Variants in OXSR1 observed in about 807,000 individuals in gnomAD.
The protein encoded by OXSR1 is serine/threonine-protein kinase OSR1.
OXSR1 carries 24 observed loss-of-function variants against 79.8 expected under a neutral mutation model. The ratio of observed to expected loss-of-function variants is 0.30; its 90% confidence interval spans 0.22 to 0.42. OXSR1 has a LOEUF of 0.42. OXSR1 is among the 10% of genes least tolerant of loss of function. The probability of loss-of-function intolerance (pLI) is 1.00; values close to 1 mark genes in which losing one functional copy is unlikely to be tolerated. For missense variants in OXSR1, 430 were observed against 618.4 expected (o/e 0.70, Z 3.23); for synonymous variants, 226 against 209.2 (o/e 1.08, Z -0.69).
chr3:38,178,148 G>T (rs1479542615), intron 1 of OXSR1, among the ~76,000 whole-genome samples: 1 of 151,972 alleles, frequency 6.6e-6, no homozygotes, highest in African/African-American at 2.4e-5. Flanking sequence ...ACAGGGATTC[G>T]CCATGTTGGC....
rs144062166 is a variant in OXSR1, at chr3:38,201,641, C to T, written c.434+2778C>T. ...AGGAGAATGGTGTGAACCTGGGAGA[C>T]GGAGCTTGTGGTGAGCCGAGATTGC... On this transcript the variant is annotated intron_variant, in intron 4 of 17. Transcript: ENST00000311806. Among the ~76,000 whole-genome samples, 66 of 151,766 alleles carry T rather than the reference C, an allele frequency of 4.3e-4. No individual in the cohort carries two copies. The East Asian group carries it at 9.5e-3, about 22-fold the overall frequency.
chr3:38,197,141 C>G (rs552516789), intron 3 of OXSR1, among the ~76,000 whole-genome samples: 4 of 152,236 alleles, frequency 2.6e-5, no homozygotes, highest in Non-Finnish European at 4.4e-5. Flanking sequence ...CCTTAGGTCT[C>G]TCCCCTTCTG....
chr3:38,190,559 T>A (rs1701964325), intron 2 of OXSR1, among the ~76,000 whole-genome samples, 172 bp from the exon 3 acceptor site: 1 of 152,144 alleles, frequency 6.6e-6, no homozygotes, highest in African/African-American at 2.4e-5. Flanking sequence ...CAGAATGGAC[T>A]GAGGGAGACA....
intron 14 of OXSR1, 50 bp downstream of exon 14, chr3:38,247,782 C>T: frequency 8.3e-7 from 1 of 1,200,962 alleles, no homozygotes; most frequent in Non-Finnish European, 1.2e-6. Context: ...GAATATTCTG[C>T]ATGTGCTGTA....
At chr3:38,188,884 T>C (rs1701933670) in intron 2 of OXSR1, among the ~76,000 whole-genome samples, 1 of 152,206 alleles carries the variant, frequency 6.6e-6, no homozygotes, top group Non-Finnish European at 1.5e-5. Context: ...TATTCTGTAT[T>C]GTAAAGTAGT....
intron 4 of OXSR1, among the ~76,000 whole-genome samples, chr3:38,210,330 G>C (rs762842460): frequency 6.6e-6 from 1 of 152,100 alleles, no homozygotes; most frequent in Non-Finnish European, 1.5e-5. Flanking sequence ...TTCCCTTCCC[G>C]TAGATGGGTT....
At chr3:38,191,000 T>C (rs925490576) in intron 3 of OXSR1, among the ~76,000 whole-genome samples, 161 bp downstream of exon 3, 5 of 152,186 alleles carry the variant, frequency 3.3e-5, no homozygotes, top group Admixed American at 1.3e-4. Context: ...GCCAAGACAG[T>C]TTTCACACAT....
chr3:38,210,301 T>G (rs539420366), intron 4 of OXSR1, among the ~76,000 whole-genome samples: 4 of 152,176 alleles, frequency 2.6e-5, no homozygotes, highest in Non-Finnish European at 4.4e-5. Context: ...GAAGGCTTGA[T>G]GGGACTGAGA....
intron 10 of OXSR1, among the ~76,000 whole-genome samples, chr3:38,233,632 G>GC (rs1702856564): frequency 6.6e-6 from 1 of 152,160 alleles, no homozygotes; most frequent in African/African-American, 2.4e-5. Context: ...GTTTATATTT[G>GC]CCAGGAGTGG....
At chr3:38,167,498 G>C (rs193135218) in intron 1 of OXSR1, among the ~76,000 whole-genome samples, 25 of 152,368 alleles carry the variant, frequency 1.6e-4, no homozygotes, top group African/African-American at 6.0e-4. Flanking sequence ...AGACTTCCTA[G>C]CTGCCTTGGG....
At chr3:38,232,685 G>C (rs1399071911) in intron 10 of OXSR1, among the ~76,000 whole-genome samples, 3 of 152,102 alleles carry the variant, frequency 2.0e-5, no homozygotes, top group Admixed American at 2.0e-4. Context: ...GTTTGAGCCT[G>C]CAGGGCAGAG....
At chr3:38,208,220 G>A (rs553781016) in intron 4 of OXSR1, among the ~76,000 whole-genome samples, 15 of 151,820 alleles carry the variant, frequency 9.9e-5, no homozygotes, top group Non-Finnish European at 1.8e-4. Context: ...CATTTTTAGC[G>A]ATTTGTTAAC....
chr3:38,233,389 T>C (rs1304477846), intron 10 of OXSR1, among the ~76,000 whole-genome samples: 1 of 152,148 alleles, frequency 6.6e-6, no homozygotes, highest in Non-Finnish European at 1.5e-5. Flanking sequence ...CTCACCCACA[T>C]CACTCTGCAG....
At chr3:38,207,372 T>G (rs757455001) in intron 4 of OXSR1, among the ~76,000 whole-genome samples, 12 of 152,230 alleles carry the variant, frequency 7.9e-5, no homozygotes, top group Admixed American at 4.6e-4. Flanking sequence ...AGGCTCTGAT[T>G]TTATTGCTGT....
intron 4 of OXSR1, among the ~76,000 whole-genome samples, chr3:38,201,989 T>TA (rs1299122562): frequency 2.0e-5 from 3 of 152,196 alleles, no homozygotes; most frequent in Non-Finnish European, 4.4e-5. Context: ...GTCAGGTTAT[T>TA]AGAGCATGAT....
intron 4 of OXSR1, among the ~76,000 whole-genome samples, chr3:38,210,915 G>A (rs4955408): frequency 0.37 from 56,862 of 151,970 alleles, 11,623 homozygotes; most frequent in African/African-American, 0.57. Flanking sequence ...TCCTGTATAG[G>A]TGATCTCTTG....
At chr3:38,211,556 A>G (rs1386104289) in intron 4 of OXSR1, among the ~76,000 whole-genome samples, 1 of 152,234 alleles carries the variant, frequency 6.6e-6, no homozygotes, top group Non-Finnish European at 1.5e-5. Context: ...TTATTTTAAT[A>G]TAGCTATCCT....
In OXSR1 at chr3:38,223,883, G is replaced by T. The variant is rs768642265; in HGVS notation, c.672G>T (p.Ala224=). ...CAGCAATTGAATTGGCTACAGGGGC[G>T]GCTCCTTATCATAAATATCCACCAA... ...GITAIELATG[A]APYHKYPPMK... is the part of the protein sequence containing the mutation. The change falls in exon 7 of 18, where the codon GCG becomes GCT. Residue 224 remains alanine (A), a synonymous_variant. Coordinates refer to ENST00000311806, the MANE Select transcript of OXSR1 (RefSeq NM_005109.3). 6.2e-7 allele frequency: 1 copy of T among 1,604,634 alleles called. No individual in the cohort carries two copies. Among genetic ancestry groups the T allele is most frequent in the East Asian group, 2.3e-5 (1 of 44,284 alleles).
intron 5 of OXSR1, 103 bp from the exon 6 acceptor site, chr3:38,221,475 G>A (rs1204594874): frequency 1.6e-6 from 1 of 628,974 alleles, no homozygotes; most frequent in Non-Finnish European, 2.8e-6. Flanking sequence ...AAACTATCAT[G>A]CTTTTTATTT....
Sources: gnomAD v4.1 joint callset for allele counts (sites outside exome capture counted in the v4.1 genomes callset) on GRCh38, gnomAD v4.1.1 for gene constraint, MANE v1.5 for transcripts, NCBI Gene and HGNC (gene_info 2026-07-23, HGNC 2026-07-21) for gene names.